The following ARHGEF10 variants were observed in gnomAD, a reference collection of about 807,000 sequenced individuals.
The protein encoded by ARHGEF10 is Rho guanine nucleotide exchange factor (GEF) 10.
Under a neutral mutation model 147.4 loss-of-function variants are expected in ARHGEF10, and 140 were observed. That is an observed-to-expected ratio of 0.95 (90% CI 0.83 to 1.09). The LOEUF (loss-of-function observed/expected upper bound fraction) is 1.09. Ranked by LOEUF, ARHGEF10 falls within the 50% of genes least tolerant of loss-of-function variation. The pLI, the probability that ARHGEF10 is intolerant of heterozygous loss-of-function variation, is 0.00. For synonymous variants in ARHGEF10, 902 were observed against 695.8 expected (o/e 1.30, Z -4.67); for missense variants, 2,222 against 1,752.7 (o/e 1.27, Z -4.78).
At chr8:1,826,186 A>G (rs1802758790) in intron 1 of ARHGEF10, 2 of 1,509,810 alleles carry the variant, frequency 1.3e-6, no homozygotes, top group African/African-American at 1.4e-5. Flanking sequence ...TTAGTTGTAG[A>G]CAGTTGGGGG....
At chr8:1,949,099 G>C (rs1456949416) in intron 27 of ARHGEF10, among the ~76,000 whole-genome samples, 1 of 152,104 alleles carries the variant, frequency 6.6e-6, no homozygotes, top group African/African-American at 2.4e-5. Flanking sequence ...AAGTCAGGTA[G>C]CTTCTGCAAA....
chr8:1,857,506 G>A (rs1481434703), intron 2 of ARHGEF10, among the ~76,000 whole-genome samples: 4 of 149,868 alleles, frequency 2.7e-5, no homozygotes, highest in South Asian at 4.2e-4. Context: ...TGCAACCTCC[G>A]CCTCTCGGGT....
chr8:1,855,795 TCTGTGGAAATGACAGTTGCA>T (rs1805507754), intron 2 of ARHGEF10, among the ~76,000 whole-genome samples: 1 of 152,188 alleles, frequency 6.6e-6, no homozygotes, highest in East Asian at 1.9e-4. Flanking sequence ...AAACGTGAAT[TCTGTGGAAATGACAGTTGCA>T]TTTGGAAAAT....
At chr8:1,861,604 G>T (rs917474221) in intron 4 of ARHGEF10, among the ~76,000 whole-genome samples, 1 of 152,144 alleles carries the variant, frequency 6.6e-6, no homozygotes, top group African/African-American at 2.4e-5. Flanking sequence ...AGTGGAAGCA[G>T]CCTTCCCTTT....
chr8:1,864,779 G>A (rs1806443262), intron 5 of ARHGEF10, among the ~76,000 whole-genome samples: 1 of 152,222 alleles, frequency 6.6e-6, no homozygotes. Flanking sequence ...CCGTGAAACC[G>A]CCTGCAGGCG....
intron 2 of ARHGEF10, 23 bp from the exon 3 acceptor site, chr8:1,857,937 G>A: frequency 6.4e-7 from 1 of 1,567,760 alleles, no homozygotes; most frequent in Admixed American, 1.7e-5. Context: ...TCTCCTTGAT[G>A]TGGTTTTGGT....
At chr8:1,901,987 A>AC (rs1554499687) in intron 15 of ARHGEF10, among the ~76,000 whole-genome samples, 1 of 151,284 alleles carries the variant, frequency 6.6e-6, no homozygotes, top group Non-Finnish European at 1.5e-5. Flanking sequence ...GCAGAACCAC[A>AC]TTTTTTTTTC....
chr8:1,936,570 C>T (rs1179820968), intron 26 of ARHGEF10, among the ~76,000 whole-genome samples: 1 of 152,100 alleles, frequency 6.6e-6, no homozygotes, highest in Non-Finnish European at 1.5e-5. Flanking sequence ...TCAGTTGGGG[C>T]AAGGGGTCTA....
At chr8:1,912,305 G>T (rs1164221972) in intron 18 of ARHGEF10, among the ~76,000 whole-genome samples, 2 of 152,100 alleles carry the variant, frequency 1.3e-5, no homozygotes, top group African/African-American at 4.8e-5. Flanking sequence ...CTGCAAAGGC[G>T]CTGTGTGGAT....
At chr8:1,906,255 T>C (rs1175444220) in intron 17 of ARHGEF10, among the ~76,000 whole-genome samples, 1 of 152,172 alleles carries the variant, frequency 6.6e-6, no homozygotes, top group Non-Finnish European at 1.5e-5. Context: ...ATAAGGGAAC[T>C]GATATAAAGT....
chr8:1,897,694 TTTGGGGAAAGAAAAC>T (rs1229831539), intron 14 of ARHGEF10, among the ~76,000 whole-genome samples: 1 of 152,164 alleles, frequency 6.6e-6, no homozygotes, highest in Non-Finnish European at 1.5e-5. Context: ...ATCTCTTTCT[TTTGGGGAAAGAAAAC>T]ATGGACTCAC....
At position 1,956,892 on chromosome 8, in the gene ARHGEF10, G is replaced by A. The variant is rs576755623; in HGVS notation, c.3664G>A (p.Ala1222Thr). Reference sequence around the variant, plus strand: ...GCCTCAGGACGAAGACCAGAAGGACGCACTTCCGAGTGGAGGAGCTGGTTC... The same window carrying A: ...GCCTCAGGACGAAGACCAGAAGGACACACTTCCGAGTGGAGGAGCTGGTTC... ...PEPQDEDQKD[A>T]LPSGGAGSSL... is the part of the protein sequence containing the mutation. The change falls in exon 29 of 29, where the codon GCA becomes ACA. Residue 1222 changes from alanine (A) to threonine (T), a missense_variant. Coordinates refer to ENST00000349830, the MANE Select transcript of ARHGEF10 (RefSeq NM_014629.4). 1.3e-5 allele frequency: 21 copies of A among 1,614,014 alleles called. No homozygotes were observed. The Middle Eastern group carries it at 5.0e-4, about 38-fold the overall frequency.
chr8:1,847,997 C>G (rs975587868), intron 2 of ARHGEF10, among the ~76,000 whole-genome samples: 1 of 152,196 alleles, frequency 6.6e-6, no homozygotes. Flanking sequence ...TGTCTGCTCA[C>G]GAGGGAAGGT....
Position 1,957,311 on chromosome 8 carries a change from T to A in ARHGEF10, c.*48T>A. 6.3e-7 allele frequency: 1 copy of A among 1,582,918 alleles called. No homozygotes were observed. The highest frequency in any genetic ancestry group is 8.6e-7 in the Non-Finnish European group (1 of 1,167,948). On this transcript the variant is annotated 3_prime_UTR_variant, in exon 29 of 29. Coordinates refer to ENST00000349830, the MANE Select transcript of ARHGEF10 (RefSeq NM_014629.4). The stretch of plus-strand genomic sequence containing the variant: ...TCAGAATTTGCAATCAAGGGTGACT[T>A]CTCAGCTAATCCTACAGCCTGAGTG...
At chr8:1,844,464 G>GTCCCTGGGGCCTGGTAGA (rs1162405166) in intron 2 of ARHGEF10, among the ~76,000 whole-genome samples, 11 of 152,158 alleles carry the variant, frequency 7.2e-5, no homozygotes, top group Admixed American at 2.6e-4. Context: ...GAATCCAGGG[G>GTCCCTGGGGCCTGGTAGA]TGAGCAGTGG....
At position 1,909,449 on chromosome 8, in the gene ARHGEF10, G is replaced by A. The variant is rs769602938; in HGVS notation, c.2122G>A (p.Val708Met). Residue 708 changes from valine to methionine, a missense_variant, in exon 18 of 29, where the codon GTG (valine) becomes ATG (methionine). Coordinates refer to ENST00000349830, the MANE Select transcript of ARHGEF10 (RefSeq NM_014629.4). ...LAVHPPESLA[V>M]VANAKPNKVY... The stretch of plus-strand genomic sequence containing the variant: ...CGTTCACCCGCCGGAGAGCCTGGCC[G>A]TGGTTGCTAACGCGAAACCAAGTAA... 44 of 1,614,002 alleles carry A rather than the reference G, an allele frequency of 2.7e-5. No homozygotes were observed. Among genetic ancestry groups the A allele is most frequent in the South Asian group, 1.3e-4 (12 of 91,092 alleles).
intron 4 of ARHGEF10, among the ~76,000 whole-genome samples, chr8:1,862,012 C>G (rs1806171464): frequency 6.6e-6 from 1 of 152,104 alleles, no homozygotes; most frequent in South Asian, 2.1e-4. Context: ...GTAATAAAGC[C>G]TTGTTCTAAT....
At chr8:1,859,838 G>C (rs1448011408) in intron 3 of ARHGEF10, 59 bp from the exon 4 acceptor site, 1 of 1,603,846 alleles carries the variant, frequency 6.2e-7, no homozygotes, top group African/African-American at 1.3e-5. Flanking sequence ...GCTCCAGGAG[G>C]GCATGCCTGC....
intron 2 of ARHGEF10, among the ~76,000 whole-genome samples, chr8:1,849,936 G>A (rs1257553172): frequency 6.9e-5 from 9 of 130,228 alleles, no homozygotes; most frequent in Admixed American, 3.7e-4. Context: ...TGGGCCGGCT[G>A]CGTGGACACA....
Sources: gnomAD v4.1 joint callset for allele counts (sites outside exome capture counted in the v4.1 genomes callset) on GRCh38, gnomAD v4.1.1 for gene constraint, MANE v1.5 for transcripts, NCBI Gene and HGNC (gene_info 2026-07-23, HGNC 2026-07-21) for gene names.